PCED1B: variants seen among roughly 807,000 people sequenced by gnomAD.
PCED1B encodes the protein PC-esterase domain-containing protein 1B.
For synonymous variants in PCED1B, 251 were observed against 246.1 expected (o/e 1.02, Z -0.19); for missense variants, 573 against 573.9 (o/e 1.00, Z 0.02).
chr12:47,196,902 C>A (rs1942619165), intron 2 of PCED1B, among the ~76,000 whole-genome samples: 1 of 151,446 alleles, frequency 6.6e-6, no homozygotes, highest in Non-Finnish European at 1.5e-5. Flanking sequence ...AAATAATAAG[C>A]TGAAATGAAA....
rs894236284 is a variant in PCED1B at position 47,234,990 on chromosome 12, C to T, written c.-57-17C>T. ...CAGAGGTGAGTCCCTCCCAGCCCTT[C>T]TCTCCTTCTGTCCTAGCCATCCGCA... On this transcript the variant is annotated splice_polypyrimidine_tract_variant and intron_variant, in intron 3 of 3. Transcript: ENST00000546455. The T allele has an allele frequency of 2.1e-6, 3 of 1,401,310 alleles. No individual in the cohort carries two copies. The highest frequency in any genetic ancestry group is 2.9e-6 in the Non-Finnish European group (3 of 1,041,862). 86.8% of individuals were successfully genotyped at this position (1,401,310 alleles called of 1,614,324 possible).
At chr12:47,132,976 A>G (rs1940193586) in intron 2 of PCED1B, among the ~76,000 whole-genome samples, 1 of 152,224 alleles carries the variant, frequency 6.6e-6, no homozygotes, top group African/African-American at 2.4e-5. Context: ...AGTTCAATAT[A>G]CTATTCTACT....
At chr12:47,202,594 T>TAAAAAAAAAAAAAAAAAA (rs60769675) in intron 2 of PCED1B, among the ~76,000 whole-genome samples, 26 of 66,662 alleles carry the variant, frequency 3.9e-4, no homozygotes, top group Middle Eastern at 9.1e-3. Flanking sequence ...TAGACATTAG[T>TAAAAAAAAAAAAAAAAAA]AAAAAAAAAA....
At chr12:47,111,807 T>C (rs987975169) in intron 2 of PCED1B, among the ~76,000 whole-genome samples, 1 of 152,246 alleles carries the variant, frequency 6.6e-6, no homozygotes, top group Non-Finnish European at 1.5e-5. Context: ...CTAGCTGAGG[T>C]ACCTCGGTTT....
intron 2 of PCED1B, chr12:47,210,643 T>G (rs1374237890): frequency 1.3e-5 from 2 of 152,210 alleles, no homozygotes; most frequent in Non-Finnish European, 2.9e-5. Flanking sequence ...TGCATACCTG[T>G]AATCCCAGCT....
intron 2 of PCED1B, among the ~76,000 whole-genome samples, chr12:47,212,658 T>C (rs1592292500): frequency 6.6e-6 from 1 of 152,258 alleles, no homozygotes; most frequent in East Asian, 1.9e-4. Flanking sequence ...AACAAGGTAC[T>C]TGTCAGTATT....
At chr12:47,165,847 T>G (rs1274043771) in intron 2 of PCED1B, among the ~76,000 whole-genome samples, 13 of 152,196 alleles carry the variant, frequency 8.5e-5, no homozygotes. Context: ...ATACACAGTA[T>G]TAATTTGACT....
At chr12:47,098,433 G>T (rs1406311745) in intron 1 of PCED1B, among the ~76,000 whole-genome samples, 4 of 152,254 alleles carry the variant, frequency 2.6e-5, no homozygotes, top group South Asian at 4.2e-4. Context: ...CTTTTAAAAA[G>T]CAAAGAGTAT....
intron 2 of PCED1B, among the ~76,000 whole-genome samples, chr12:47,172,340 C>CTTTTTTTTTTTTTTTTTTTTTTTTTTTTT (rs34230051): frequency 7.7e-5 from 6 of 78,350 alleles, no homozygotes; most frequent in Middle Eastern, 9.1e-3. Context: ...TCGTGGGTTG[C>CTTTTTTTTTTTTTTTTTTTTTTTTTTTTT]TTTTTTTTTT....
chr12:47,134,650 A>G (rs962113452), intron 2 of PCED1B, among the ~76,000 whole-genome samples: 1 of 152,174 alleles, frequency 6.6e-6, no homozygotes, highest in South Asian at 2.1e-4. Flanking sequence ...AAGGCGGATC[A>G]CGAGGTCAAC....
At chr12:47,130,460 T>C (rs1179729602) in intron 2 of PCED1B, among the ~76,000 whole-genome samples, 8 of 152,158 alleles carry the variant, frequency 5.3e-5, no homozygotes, top group Admixed American at 6.5e-5. Context: ...GAGGATCACT[T>C]AAGGTTAGGA....
chr12:47,183,759 G>A (rs911646033), intron 2 of PCED1B, among the ~76,000 whole-genome samples: 1 of 152,156 alleles, frequency 6.6e-6, no homozygotes, highest in Admixed American at 6.5e-5. Context: ...TGCCACGTGA[G>A]GACAGGGACT....
chr12:47,205,155 G>T (rs531986370), intron 2 of PCED1B, among the ~76,000 whole-genome samples: 1 of 152,264 alleles, frequency 6.6e-6, no homozygotes, highest in Admixed American at 6.5e-5. Flanking sequence ...GGAAAGTGGG[G>T]CGTGCTGATA....
intron 2 of PCED1B, among the ~76,000 whole-genome samples, chr12:47,121,362 ATCTGC>A (rs910023446): frequency 1.3e-5 from 2 of 152,168 alleles, no homozygotes; most frequent in African/African-American, 4.8e-5. Context: ...GAAGGAGAGA[ATCTGC>A]TCTGAAAACA....
chr12:47,093,166 A>T (rs1156578418), intron 1 of PCED1B, among the ~76,000 whole-genome samples: 1 of 151,926 alleles, frequency 6.6e-6, no homozygotes, highest in African/African-American at 2.4e-5. Context: ...AAAAAAATAC[A>T]TCCTAAATTA....
chr12:47,148,802 G>A (rs1249721571), intron 2 of PCED1B, among the ~76,000 whole-genome samples: 1 of 152,182 alleles, frequency 6.6e-6, no homozygotes, highest in Non-Finnish European at 1.5e-5. Context: ...TCCAGATTTT[G>A]GTGCAGCTGA....
chr12:47,200,186 T>C (rs1252156874), intron 2 of PCED1B, among the ~76,000 whole-genome samples: 1 of 144,360 alleles, frequency 6.9e-6, no homozygotes, highest in Non-Finnish European at 1.6e-5. Context: ...TAAAGACAGA[T>C]CTTGCCTCAA....
At chr12:47,158,652 G>A (rs1941272446) in intron 2 of PCED1B, among the ~76,000 whole-genome samples, 1 of 152,060 alleles carries the variant, frequency 6.6e-6, no homozygotes, top group Admixed American at 6.5e-5. Context: ...TTTATTGATA[G>A]ACAATATTGG....
chr12:47,179,773 G>A (rs1255917174), intron 2 of PCED1B, among the ~76,000 whole-genome samples: 2 of 152,054 alleles, frequency 1.3e-5, no homozygotes, highest in East Asian at 1.9e-4. Context: ...CTCTTCTAGA[G>A]ACTGAGGGTA....
Sources: gnomAD v4.1 joint callset for allele counts (sites outside exome capture counted in the v4.1 genomes callset) on GRCh38, gnomAD v4.1.1 for gene constraint, MANE v1.5 for transcripts, NCBI Gene and HGNC (gene_info 2026-07-23, HGNC 2026-07-21) for gene names.